ZMYM4: variants seen among roughly 807,000 people sequenced by gnomAD.
ZMYM4 encodes the protein zinc finger MYM-type protein 4.
A neutral mutation model predicts 183.2 loss-of-function variants in ZMYM4; 31 were observed. The ratio of observed to expected loss-of-function variants is 0.17; its 90% confidence interval spans 0.13 to 0.23. The LOEUF (loss-of-function observed/expected upper bound fraction) is 0.23. Ranked by LOEUF, ZMYM4 falls within the 10% of genes least tolerant of loss-of-function variation. The probability of loss-of-function intolerance (pLI) is 1.00; values close to 1 mark genes in which losing one functional copy is unlikely to be tolerated. For missense variants in ZMYM4, 1,273 were observed against 1,840.3 expected (o/e 0.69, Z 5.64); for synonymous variants, 592 against 631.2 (o/e 0.94, Z 0.93).
intron 2 of ZMYM4, among the ~76,000 whole-genome samples, chr1:35,349,283 C>T (rs990951594): frequency 1.7e-4 from 26 of 152,004 alleles, no homozygotes; most frequent in African/African-American, 2.2e-4. Flanking sequence ...CTATGGTGTC[C>T]GGCCTGTGGT....
At chr1:35,419,037 T>C (rs1640231523) in intron 29 of ZMYM4, among the ~76,000 whole-genome samples, 1 of 152,238 alleles carries the variant, frequency 6.6e-6, no homozygotes, top group African/African-American at 2.4e-5. Flanking sequence ...ATAATGTGTA[T>C]TGAGTGCCCT....
chr1:35,388,827 C>CACCGGGCCTGTCCTAGGCCATTTA (rs1644638682), intron 13 of ZMYM4, 83 bp from the exon 14 acceptor site: 2 of 1,306,034 alleles, frequency 1.5e-6, no homozygotes, highest in East Asian at 4.8e-5. Context: ...TGAGCCACTG[C>CACCGGGCCTGTCCTAGGCCATTTA]ACCGGGCCTG....
chr1:35,374,309 C>A (rs1178900382), intron 7 of ZMYM4, among the ~76,000 whole-genome samples: 1 of 152,076 alleles, frequency 6.6e-6, no homozygotes, highest in African/African-American at 2.4e-5. Context: ...GCTGGGATTA[C>A]AGGCATGAGC....
chr1:35,286,932 T>C lies in ZMYM4; in HGVS notation c.39+17847T>C, dbSNP rs541091892. Among the ~76,000 whole-genome samples, 5 of 151,574 alleles carry C rather than the reference T, an allele frequency of 3.3e-5. No homozygotes were observed. The South Asian group carries it at 1.0e-3, about 32-fold the overall frequency. The stretch of plus-strand genomic sequence containing the variant: ...CCACCCTGCCTGGCCCTAGCTTATC[T>C]TTCTGTTTTGGCACTGAAATTCTTC... On this transcript the variant is annotated intron_variant, in intron 1 of 29. Coordinates refer to ENST00000314607, the MANE Select transcript of ZMYM4 (RefSeq NM_005095.3).
chr1:35,390,400 T>G (rs1324130497), intron 15 of ZMYM4, among the ~76,000 whole-genome samples: 3 of 151,034 alleles, frequency 2.0e-5, no homozygotes, highest in Non-Finnish European at 4.4e-5. Context: ...TTTTATAAGA[T>G]TTGGGTAGGT....
At chr1:35,354,816 C>T (rs1336760462) in intron 2 of ZMYM4, among the ~76,000 whole-genome samples, 3 of 142,556 alleles carry the variant, frequency 2.1e-5, no homozygotes, top group Non-Finnish European at 4.5e-5. Context: ...TGCCTAATTG[C>T]TCTTTATTAG....
chr1:35,355,859 T>G (rs1420717410), intron 2 of ZMYM4, among the ~76,000 whole-genome samples: 1 of 152,202 alleles, frequency 6.6e-6, no homozygotes, highest in African/African-American at 2.4e-5. Context: ...CTGTAAAATT[T>G]TTTGATGTGA....
In ZMYM4 at chr1:35,268,982, CG is replaced by C. The variant is rs966150637; in HGVS notation, c.-59del. Reference sequence around the variant, plus strand: ...CCGTGCCTGCAGTGTGGGCGGGGGCCGGGGGGCCGAGAGGTACCGCCGCCAC... The same window carrying C: ...CCGTGCCTGCAGTGTGGGCGGGGGCCGGGGGCCGAGAGGTACCGCCGCCAC... On this transcript the variant is annotated 5_prime_UTR_variant, in exon 1 of 30. Coordinates refer to ENST00000314607, the MANE Select transcript of ZMYM4 (RefSeq NM_005095.3). The C allele has an allele frequency of 7.0e-4, 1,039 of 1,483,472 alleles. 1 individual carries two copies. The highest frequency in any genetic ancestry group is 8.5e-4 in the Non-Finnish European group (946 of 1,115,214). 91.9% of individuals were successfully genotyped at this position (1,483,472 alleles called of 1,614,324 possible).
At position 35,420,040 on chromosome 1, in the gene ZMYM4, G is replaced by A; in HGVS notation, c.*363G>A. On this transcript the variant is annotated 3_prime_UTR_variant, in exon 30 of 30. Coordinates refer to ENST00000314607, the MANE Select transcript of ZMYM4 (RefSeq NM_005095.3). ...TAGACCTTAGAGAGGTAGCTTTGGA[G>A]TGAAACTTTGGCTGCAATAGGCTAC... is the stretch of plus-strand genomic sequence containing the variant. 1 of 287,684 alleles carries A rather than the reference G, an allele frequency of 3.5e-6. No homozygotes were observed. The highest frequency in any genetic ancestry group is 6.8e-6 in the Non-Finnish European group (1 of 147,744). The allele number at this position is 287,684 out of a possible 1,614,324, so 17.8% of individuals were successfully genotyped here. A position where few individuals can be genotyped will look rare whatever the true frequency, so the allele number is the denominator to read the frequency against.
At chr1:35,408,649 A>G (rs886522665) in intron 26 of ZMYM4, among the ~76,000 whole-genome samples, 1 of 152,188 alleles carries the variant, frequency 6.6e-6, no homozygotes, top group Non-Finnish European at 1.5e-5. Context: ...AGGCAGGAGG[A>G]TCACCTCAGC....
intron 18 of ZMYM4, among the ~76,000 whole-genome samples, chr1:35,394,775 A>G (rs1408038019): frequency 6.6e-6 from 1 of 152,108 alleles, no homozygotes; most frequent in Non-Finnish European, 1.5e-5. Context: ...TGCTTGTTTC[A>G]CTAAGGAATA....
chr1:35,312,083 T>C (rs1641829706), intron 1 of ZMYM4, among the ~76,000 whole-genome samples: 1 of 152,128 alleles, frequency 6.6e-6, no homozygotes, highest in Non-Finnish European at 1.5e-5. Flanking sequence ...CCATGGTTTC[T>C]GATGGAAAGT....
intron 1 of ZMYM4, 120 bp downstream of exon 1, chr1:35,269,205 C>A: frequency 8.8e-7 from 1 of 1,137,912 alleles, no homozygotes; most frequent in Non-Finnish European, 1.1e-6. Context: ...AGGTTGCGGG[C>A]AGGTCTGAGG....
chr1:35,277,443 T>C (rs140353735), intron 1 of ZMYM4, among the ~76,000 whole-genome samples: 2 of 152,320 alleles, frequency 1.3e-5, no homozygotes, highest in Non-Finnish European at 2.9e-5. Flanking sequence ...TTAGGATTTA[T>C]AGTCATTCCA....
intron 1 of ZMYM4, among the ~76,000 whole-genome samples, chr1:35,272,789 A>G (rs1426015720): frequency 1.3e-5 from 2 of 152,172 alleles, no homozygotes; most frequent in Admixed American, 1.3e-4. Context: ...GCTCACTGCA[A>G]GCTCCGCCTC....
intron 2 of ZMYM4, among the ~76,000 whole-genome samples, chr1:35,332,392 A>ATACTGGG (rs1558018669): frequency 6.7e-6 from 1 of 150,134 alleles, no homozygotes; most frequent in African/African-American, 2.4e-5. Context: ...CAGAAAGGGT[A>ATACTGGG]TACTGGGGAT....
chr1:35,337,810 G>T (rs982807199), intron 2 of ZMYM4, among the ~76,000 whole-genome samples: 2 of 151,916 alleles, frequency 1.3e-5, no homozygotes, highest in African/African-American at 4.8e-5. Context: ...GTGGTGGCAG[G>T]CACCTGCAAT....
intron 2 of ZMYM4, among the ~76,000 whole-genome samples, chr1:35,353,657 T>A (rs1293801995): frequency 6.6e-6 from 1 of 152,214 alleles, no homozygotes; most frequent in Non-Finnish European, 1.5e-5. Flanking sequence ...TCTGTTTTGT[T>A]CTCTTGATAT....
At chr1:35,313,990 C>G (rs1166090005) in intron 1 of ZMYM4, among the ~76,000 whole-genome samples, 3 of 152,140 alleles carry the variant, frequency 2.0e-5, no homozygotes, top group Non-Finnish European at 4.4e-5. Flanking sequence ...ACTCACACCT[C>G]TGCTTAACTT....
Sources: gnomAD v4.1 joint callset for allele counts (sites outside exome capture counted in the v4.1 genomes callset) on GRCh38, gnomAD v4.1.1 for gene constraint, MANE v1.5 for transcripts, NCBI Gene and HGNC (gene_info 2026-07-23, HGNC 2026-07-21) for gene names.